Variants in GLIS1 observed in about 807,000 individuals in gnomAD.
The protein encoded by GLIS1 is zinc finger protein GLIS1.
A neutral mutation model predicts 63.8 loss-of-function variants in GLIS1; 24 were observed. The ratio of observed to expected loss-of-function variants is 0.38; its 90% CI spans 0.27 to 0.53. The LOEUF (loss-of-function observed/expected upper bound fraction) is 0.53. Ranked by LOEUF, GLIS1 falls within the 20% of genes least tolerant of loss-of-function variation. The probability of loss-of-function intolerance (pLI) is 0.85; values close to 1 mark genes in which losing one functional copy is unlikely to be tolerated. For synonymous variants in GLIS1, 450 were observed against 482.5 expected (o/e 0.93, Z 0.88); for missense variants, 1,036 against 1,074.1 (o/e 0.96, Z 0.50).
intron 2 of GLIS1, among the ~76,000 whole-genome samples, chr1:53,626,011 G>A (rs1645589975): frequency 3.9e-5 from 6 of 152,228 alleles, no homozygotes; most frequent in Admixed American, 2.0e-4. Context: ...CTGTTGGGAA[G>A]GCACCCACTT....
At chr1:53,688,065 G>A (rs1275291328) in intron 2 of GLIS1, among the ~76,000 whole-genome samples, 2 of 152,118 alleles carry the variant, frequency 1.3e-5, no homozygotes, top group African/African-American at 2.4e-5. Context: ...GGGCTGCCTT[G>A]CTGGAGGCCA....
At chr1:53,671,018 A>G (rs1018829069) in intron 2 of GLIS1, among the ~76,000 whole-genome samples, 11 of 152,264 alleles carry the variant, frequency 7.2e-5, no homozygotes, top group Admixed American at 7.2e-4. Context: ...ATTTTAAAGT[A>G]GAGTATGAAA....
intron 2 of GLIS1, among the ~76,000 whole-genome samples, chr1:53,679,966 C>T (rs1646257411): frequency 6.6e-6 from 1 of 152,154 alleles, no homozygotes; most frequent in South Asian, 2.1e-4. Flanking sequence ...CAGGGTGCCC[C>T]CAAATATGGA....
chr1:53,676,869 C>A (rs950022310), intron 2 of GLIS1, among the ~76,000 whole-genome samples: 48 of 152,208 alleles, frequency 3.2e-4, no homozygotes, highest in Non-Finnish European at 5.4e-4. Context: ...ATTATAATTT[C>A]TCTTTCATTC....
chr1:53,507,184 A>C (rs1228717361), intron 10 of GLIS1, among the ~76,000 whole-genome samples: 1 of 152,154 alleles, frequency 6.6e-6, no homozygotes, highest in African/African-American at 2.4e-5. Context: ...GTATCCCCCA[A>C]CCAGACTCAA....
intron 2 of GLIS1, among the ~76,000 whole-genome samples, chr1:53,693,573 C>T (rs567341532): frequency 3.3e-5 from 5 of 152,334 alleles, no homozygotes; most frequent in South Asian, 2.1e-4. Flanking sequence ...CTCTCACCCC[C>T]GCCCACAGAT....
rs1646889244 is a variant in GLIS1 at position 53,734,025 on chromosome 1, C to G, written c.259+3781G>C. 4.1e-6 allele frequency: 4 copies of G among 985,256 alleles called. No individual in the cohort carries two copies. In the South Asian group the frequency reaches 1.9e-4, roughly 46 times the overall value. The allele number at this position is 985,256 out of a possible 1,614,324, so 61.0% of individuals were successfully genotyped here. On this transcript the variant is annotated intron_variant, in intron 2 of 10. Transcript: ENST00000628545. Reference sequence around the variant, plus strand: ...AAACATCATGACTTACTGTCCACCGCCCCCACTCCGAGTCCATGCGCACAA... The same window carrying G: ...AAACATCATGACTTACTGTCCACCGGCCCCACTCCGAGTCCATGCGCACAA...
intron 4 of GLIS1, among the ~76,000 whole-genome samples, chr1:53,540,550 A>T (rs1301148799): frequency 6.6e-6 from 1 of 152,168 alleles, no homozygotes; most frequent in East Asian, 1.9e-4. Flanking sequence ...GGCACAGGAC[A>T]GGTGCTCAGT....
intron 2 of GLIS1, among the ~76,000 whole-genome samples, chr1:53,717,624 T>C (rs368134336): frequency 3.9e-5 from 6 of 152,316 alleles, no homozygotes; most frequent in Middle Eastern, 3.4e-3. Flanking sequence ...CCTCTGTCTC[T>C]GCTTAAATGT....
intron 10 of GLIS1, among the ~76,000 whole-genome samples, chr1:53,508,180 G>A (rs993597336): frequency 1.3e-5 from 2 of 152,186 alleles, no homozygotes; most frequent in Non-Finnish European, 2.9e-5. Flanking sequence ...ACACGAGAGT[G>A]CAGCCCTGCC....
At chr1:53,640,273 G>A (rs1209806603) in intron 2 of GLIS1, among the ~76,000 whole-genome samples, 1 of 152,166 alleles carries the variant, frequency 6.6e-6, no homozygotes, top group Non-Finnish European at 1.5e-5. Flanking sequence ...GCCCCTTTGT[G>A]AAGAATGCCC....
At chr1:53,592,882 G>GCCCAGCT (rs1298827794) in intron 4 of GLIS1, among the ~76,000 whole-genome samples, 1 of 152,248 alleles carries the variant, frequency 6.6e-6, no homozygotes, top group Admixed American at 6.5e-5. Context: ...CCTGTCCGAC[G>GCCCAGCT]CCCAGCTCCC....
intron 2 of GLIS1, among the ~76,000 whole-genome samples, chr1:53,658,486 A>AAAG (rs1645990890): frequency 6.6e-6 from 1 of 152,214 alleles, no homozygotes; most frequent in Non-Finnish European, 1.5e-5. Flanking sequence ...AAAACATGAA[A>AAAG]AGCTGAATTC....
intron 2 of GLIS1, among the ~76,000 whole-genome samples, chr1:53,719,417 GCT>G (rs1485788671): frequency 6.6e-6 from 1 of 152,174 alleles, no homozygotes; most frequent in Non-Finnish European, 1.5e-5. Flanking sequence ...CTCTCTGTGG[GCT>G]CTTCCACCTC....
chr1:53,690,549 A>G (rs1395937778), intron 2 of GLIS1, among the ~76,000 whole-genome samples: 2 of 152,254 alleles, frequency 1.3e-5, no homozygotes, highest in Non-Finnish European at 2.9e-5. Flanking sequence ...AATGGACATG[A>G]CAGAACAAGC....
rs763699664 is a variant in GLIS1 at position 53,529,760 on chromosome 1, C to T, written c.1482+31G>A. The stretch of plus-strand genomic sequence containing the variant: ...TGGCAGGTGTGTGGCCATCCTCCAC[C>T]CCGCCCTGGGCCTCTGCCTGTTGGG... On this transcript the variant is annotated intron_variant, in intron 5 of 10. Transcript: ENST00000628545. 9 of 1,600,806 alleles carry T rather than the reference C, an allele frequency of 5.6e-6. No individual in the cohort carries two copies. In the Admixed American group the frequency reaches 1.5e-4, roughly 27 times the overall value.
intron 2 of GLIS1, among the ~76,000 whole-genome samples, chr1:53,732,374 A>C (rs750077512): frequency 6.6e-6 from 1 of 152,204 alleles, no homozygotes; most frequent in South Asian, 2.1e-4. Flanking sequence ...TTGGGAGACC[A>C]AAGTAGCCAC....
At chr1:53,544,138 G>C (rs1485620652) in intron 4 of GLIS1, among the ~76,000 whole-genome samples, 1 of 152,222 alleles carries the variant, frequency 6.6e-6, no homozygotes. Context: ...AAAACATTTA[G>C]CTTTGGCTTC....
At chr1:53,547,058 C>T (rs532285209) in intron 4 of GLIS1, among the ~76,000 whole-genome samples, 29 of 152,354 alleles carry the variant, frequency 1.9e-4, no homozygotes, top group African/African-American at 6.3e-4. Flanking sequence ...TTGCTGACTG[C>T]AACGCTGTGC....
Sources: gnomAD v4.1 joint callset for allele counts (sites outside exome capture counted in the v4.1 genomes callset) on GRCh38, gnomAD v4.1.1 for gene constraint, MANE v1.5 for transcripts, NCBI Gene and HGNC (gene_info 2026-07-23, HGNC 2026-07-21) for gene names.